Variants in PRKD1 observed in about 807,000 individuals in gnomAD.
PRKD1 encodes the protein serine/threonine-protein kinase D1.
A neutral mutation model predicts 95.9 loss-of-function variants in PRKD1; 63 were observed. That is an observed-to-expected ratio of 0.66 (90% CI 0.54 to 0.81). PRKD1 has a LOEUF of 0.81. PRKD1 is among the 30% of genes least tolerant of loss of function. The pLI is 0.00. For synonymous variants in PRKD1, 425 were observed against 423.1 expected (o/e 1.00, Z -0.05); for missense variants, 1,048 against 1,165.3 (o/e 0.90, Z 1.47).
At chr14:29,794,487 G>A (rs1889720790) in intron 1 of PRKD1, among the ~76,000 whole-genome samples, 1 of 151,910 alleles carries the variant, frequency 6.6e-6, no homozygotes, top group African/African-American at 2.4e-5. Flanking sequence ...ATGTTGTACA[G>A]TGATTTACTT....
chr14:29,803,055 C>G (rs1156903133), intron 1 of PRKD1, among the ~76,000 whole-genome samples: 1 of 152,138 alleles, frequency 6.6e-6, no homozygotes, highest in African/African-American at 2.4e-5. Flanking sequence ...AGGTCAAAAG[C>G]CATGCAAGAC....
intron 2 of PRKD1, among the ~76,000 whole-genome samples, chr14:29,688,948 CAAAAAA>C (rs377212196): frequency 1.8e-4 from 6 of 32,502 alleles, no homozygotes; most frequent in South Asian, 3.0e-3. Context: ...GACTCCGTCT[CAAAAAA>C]AAAAAAAAAA....
chr14:29,647,201 A>G (rs192272773), intron 4 of PRKD1, among the ~76,000 whole-genome samples: 2 of 152,282 alleles, frequency 1.3e-5, no homozygotes, highest in East Asian at 3.9e-4. Flanking sequence ...AACATATATA[A>G]TCTCTTACTA....
intron 1 of PRKD1, among the ~76,000 whole-genome samples, chr14:29,885,496 T>C (rs1893669421): frequency 6.6e-6 from 1 of 152,104 alleles, no homozygotes; most frequent in Non-Finnish European, 1.5e-5. Context: ...TAAAAGTACA[T>C]GTCATATACC....
intron 7 of PRKD1, among the ~76,000 whole-genome samples, chr14:29,635,911 G>A (rs1452789017): frequency 2.6e-5 from 4 of 152,086 alleles, no homozygotes; most frequent in Non-Finnish European, 5.9e-5. Flanking sequence ...ATTTGTAACA[G>A]GGGCCAGCTA....
At chr14:29,821,857 T>C (rs1244306325) in intron 1 of PRKD1, among the ~76,000 whole-genome samples, 1 of 152,090 alleles carries the variant, frequency 6.6e-6, no homozygotes, top group East Asian at 1.9e-4. Flanking sequence ...TGAGACCATG[T>C]GTGCCTGCAC....
chr14:29,771,045 G>A (rs1438267935), intron 1 of PRKD1, among the ~76,000 whole-genome samples: 3 of 151,858 alleles, frequency 2.0e-5, no homozygotes, highest in African/African-American at 4.8e-5. Context: ...AAATAGTAAC[G>A]TGAGAAGATA....
At chr14:29,832,876 C>T (rs1196413821) in intron 1 of PRKD1, among the ~76,000 whole-genome samples, 8 of 151,988 alleles carry the variant, frequency 5.3e-5, no homozygotes, top group Admixed American at 5.2e-4. Context: ...TTAATGGCCC[C>T]ATTTGTGGAA....
At chr14:29,705,472 T>C (rs987303233) in intron 2 of PRKD1, among the ~76,000 whole-genome samples, 2 of 151,986 alleles carry the variant, frequency 1.3e-5, no homozygotes, top group African/African-American at 4.8e-5. Flanking sequence ...TTTTTGTCTT[T>C]ATTGAGATAT....
rs1895361604 is a variant in PRKD1 at position 29,927,677 on chromosome 14, G to A, written c.-165C>T. 1 of 293,964 alleles carries A rather than the reference G, an allele frequency of 3.4e-6. No homozygotes were observed. Among genetic ancestry groups the A allele is most frequent in the African/African-American group, 2.3e-5 (1 of 44,160 alleles). The allele number at this position is 293,964 out of a possible 1,614,324, so 18.2% of individuals were successfully genotyped here. A position where few individuals can be genotyped will look rare whatever the true frequency, so the allele number is the denominator to read the frequency against. ...GGGCTGGGGGAGGGCAAGGGGATGA[G>A]GATCGGGAGGGGAGGGGACTAAGGG... On this transcript the variant is annotated 5_prime_UTR_variant, in exon 1 of 18. Transcript: ENST00000331968.
intron 1 of PRKD1, among the ~76,000 whole-genome samples, chr14:29,754,958 T>C (rs1887629588): frequency 6.6e-6 from 1 of 152,108 alleles, no homozygotes; most frequent in Non-Finnish European, 1.5e-5. Context: ...TTATCTATTA[T>C]ATTTTTATTA....
chr14:29,787,921 T>G (rs1172206115), intron 1 of PRKD1, among the ~76,000 whole-genome samples: 1 of 152,196 alleles, frequency 6.6e-6, no homozygotes, highest in Non-Finnish European at 1.5e-5. Context: ...TTTATTCCTC[T>G]TTCATTGTTT....
intron 2 of PRKD1, among the ~76,000 whole-genome samples, chr14:29,716,609 A>G (rs1885624523): frequency 6.6e-6 from 1 of 152,220 alleles, no homozygotes; most frequent in South Asian, 2.1e-4. Context: ...TGAAACACAG[A>G]GGCTCCAGAA....
chr14:29,629,118 G>A (rs1462032458), intron 10 of PRKD1, 25 bp from the exon 11 acceptor site: 1 of 1,591,750 alleles, frequency 6.3e-7, no homozygotes, highest in Non-Finnish European at 8.6e-7. Flanking sequence ...AAAACAATAT[G>A]CACACAAAAA....
Position 29,600,300 on chromosome 14 carries a change from G to A in PRKD1, c.1906-483C>T, listed in dbSNP as rs1893469614. On this transcript the variant is annotated intron_variant, in intron 13 of 17. Coordinates refer to ENST00000331968, the MANE Select transcript of PRKD1 (RefSeq NM_002742.3). ...AAATGCTTTGCTACTGGTACTGGAGGCTGCAGTTTTTGACAGAAACTCTTA... is the reference window on the plus strand; with the variant it reads ...AAATGCTTTGCTACTGGTACTGGAGACTGCAGTTTTTGACAGAAACTCTTA... Among the ~76,000 whole-genome samples, 5 of 152,056 alleles carry A rather than the reference G, an allele frequency of 3.3e-5. No individual in the cohort carries two copies. In the South Asian group the frequency reaches 1.0e-3, roughly 32 times the overall value.
chr14:29,671,606 A>AG (rs1882846191), intron 2 of PRKD1, among the ~76,000 whole-genome samples: 1 of 151,886 alleles, frequency 6.6e-6, no homozygotes, highest in Non-Finnish European at 1.5e-5. Context: ...ACTAAAAGAA[A>AG]AAAAATAGGA....
chr14:29,926,027 A>G (rs1220999420), intron 1 of PRKD1, among the ~76,000 whole-genome samples: 1 of 152,212 alleles, frequency 6.6e-6, no homozygotes, highest in East Asian at 1.9e-4. Flanking sequence ...CATTACCCGT[A>G]ATATAAAAGT....
At chr14:29,862,238 A>T (rs189192105) in intron 1 of PRKD1, among the ~76,000 whole-genome samples, 2 of 152,274 alleles carry the variant, frequency 1.3e-5, no homozygotes, top group Admixed American at 6.5e-5. Context: ...TGACTAGCAA[A>T]TACCACATTT....
chr14:29,661,513 C>T (rs573788886), intron 4 of PRKD1, among the ~76,000 whole-genome samples: 6 of 152,146 alleles, frequency 3.9e-5, no homozygotes, highest in South Asian at 2.1e-4. Flanking sequence ...CTTTTGTTCC[C>T]GTATGAAGAA....
Sources: allele counts gnomAD v4.1 joint callset (sites outside exome capture counted in the v4.1 genomes callset), GRCh38; gene constraint gnomAD v4.1.1; transcripts MANE v1.5; gene names NCBI Gene and HGNC (gene_info 2026-07-23, HGNC 2026-07-21).